BCR: variants seen among roughly 807,000 people sequenced by gnomAD.
The protein encoded by BCR is BCR activator of RhoGEF and GTPase.
A neutral mutation model predicts 138.6 loss-of-function variants in BCR; 58 were observed. That is an observed-to-expected ratio of 0.42 (90% CI 0.34 to 0.52). BCR has a LOEUF of 0.52. BCR is among the 20% of genes least tolerant of loss of function. The probability of loss-of-function intolerance (pLI) is 0.06; values close to 1 mark genes in which losing one functional copy is unlikely to be tolerated. For synonymous variants in BCR, 786 were observed against 730.1 expected, an observed-to-expected ratio of 1.08 and a Z score of -1.23; for missense variants, 1,599 against 1,727.2, an observed-to-expected ratio of 0.93 and a Z score of 1.32.
chr22:23,226,899 G>T (rs2072900548), intron 1 of BCR, among the ~76,000 whole-genome samples: 1 of 152,182 alleles, frequency 6.6e-6, no homozygotes, highest in Admixed American at 6.5e-5. Context: ...GGGGCCAGAA[G>T]TCCTATAGGT....
At position 23,216,030 on chromosome 22, in the gene BCR, T is replaced by C. The variant is rs116888883; in HGVS notation, c.1279+33791T>C. Among the ~76,000 whole-genome samples the C allele has an allele frequency of 1.2e-4, 18 of 152,362 alleles. No individual in the cohort carries two copies. In the East Asian group the frequency reaches 2.7e-3, roughly 23 times the overall value. On this transcript the variant is annotated intron_variant, in intron 1 of 22. Coordinates refer to ENST00000305877, the MANE Select transcript of BCR (RefSeq NM_004327.4). ...CCAAGTCTAACTGAGAAATGTCTTA[T>C]ATGTAACCTTCTGTTTCCCTTGAGT... is the stretch of plus-strand genomic sequence containing the variant.
At position 23,283,909 on chromosome 22, in the gene BCR, G is replaced by A. The variant is rs531151087; in HGVS notation, c.2116-68G>A. The stretch of plus-strand genomic sequence containing the variant: ...GGGTCAACCTGCTCCTGCTGGGCTG[G>A]GAGGGCCGAACACCCCCCACCCATC... On this transcript the variant is annotated intron_variant, in intron 8 of 22. Transcript: ENST00000305877. 2.9e-5 allele frequency: 43 copies of A among 1,478,032 alleles called. No homozygotes were observed. The South Asian group carries it at 5.4e-4, about 19-fold the overall frequency. 91.6% of individuals were successfully genotyped at this position (1,478,032 alleles called of 1,614,324 possible). A position where few individuals can be genotyped will look rare whatever the true frequency, so the allele number is the denominator to read the frequency against.
At chr22:23,184,060 G>A (rs1457567142) in intron 1 of BCR, among the ~76,000 whole-genome samples, 4 of 151,980 alleles carry the variant, frequency 2.6e-5, no homozygotes, top group East Asian at 3.8e-4. Context: ...TTCCCATTAG[G>A]TTTTATTTTT....
intron 1 of BCR, among the ~76,000 whole-genome samples, chr22:23,205,533 C>G (rs1360438647): frequency 6.6e-6 from 1 of 152,114 alleles, no homozygotes; most frequent in Non-Finnish European, 1.5e-5. Flanking sequence ...GAGCCTTGCT[C>G]TATTTCTGCA....
intron 1 of BCR, among the ~76,000 whole-genome samples, chr22:23,249,289 A>G (rs1219143925): frequency 2.6e-5 from 4 of 151,968 alleles, no homozygotes; most frequent in South Asian, 4.2e-4. Context: ...AAAATTAGCC[A>G]GGCGTGGTGG....
intron 6 of BCR, among the ~76,000 whole-genome samples, 198 bp from the exon 7 acceptor site, chr22:23,272,883 C>G (rs1167539193): frequency 6.6e-6 from 1 of 152,172 alleles, no homozygotes; most frequent in Non-Finnish European, 1.5e-5. Context: ...GCTCTGGACT[C>G]TGCATGCAGT....
chr22:23,275,962 G>A (rs2146291602), intron 8 of BCR, among the ~76,000 whole-genome samples: 1 of 152,260 alleles, frequency 6.6e-6, no homozygotes, highest in Middle Eastern at 3.4e-3. Flanking sequence ...GGAATCCACT[G>A]CTTTGGGGAA....
At chr22:23,191,418 T>A (rs1042445645) in intron 1 of BCR, among the ~76,000 whole-genome samples, 2 of 152,042 alleles carry the variant, frequency 1.3e-5, no homozygotes, top group African/African-American at 4.8e-5. Context: ...CATTGATTTA[T>A]GGAAAGGCTG....
At chr22:23,236,501 G>C (rs2073026280) in intron 1 of BCR, among the ~76,000 whole-genome samples, 1 of 152,236 alleles carries the variant, frequency 6.6e-6, no homozygotes, top group South Asian at 2.1e-4. Flanking sequence ...CCATCTTCCA[G>C]CCAAGAGGAG....
intron 22 of BCR, 35 bp from the exon 23 acceptor site, chr22:23,315,397 TG>T: frequency 6.2e-7 from 1 of 1,600,410 alleles, no homozygotes; most frequent in Non-Finnish European, 8.6e-7. Context: ...AGCCCCGCTC[TG>T]AGCCACTCTT....
chr22:23,279,588 C>A (rs959338298), intron 8 of BCR, among the ~76,000 whole-genome samples: 2 of 152,240 alleles, frequency 1.3e-5, no homozygotes, highest in East Asian at 3.8e-4. Context: ...AGGGCCCCCC[C>A]ACCAGCCAGC....
At chr22:23,288,710 G>A (rs984361334) in intron 12 of BCR, among the ~76,000 whole-genome samples, 1 of 152,236 alleles carries the variant, frequency 6.6e-6, no homozygotes, top group South Asian at 2.1e-4. Context: ...TCATATGGCC[G>A]GGGTTGCCCG....
At chr22:23,297,556 T>C (rs1220292576) in intron 16 of BCR, among the ~76,000 whole-genome samples, 1 of 152,128 alleles carries the variant, frequency 6.6e-6, no homozygotes, top group Non-Finnish European at 1.5e-5. Flanking sequence ...TCCCTCTCCA[T>C]GTTTTCTGTC....
intron 16 of BCR, among the ~76,000 whole-genome samples, chr22:23,295,414 C>T (rs1040835445): frequency 6.6e-6 from 1 of 152,186 alleles, no homozygotes; most frequent in African/African-American, 2.4e-5. Context: ...GGTTTTGCAG[C>T]TGGGGCCTCA....
intron 1 of BCR, among the ~76,000 whole-genome samples, chr22:23,245,271 C>T (rs577920210): frequency 6.6e-6 from 1 of 152,266 alleles, no homozygotes; most frequent in Non-Finnish European, 1.5e-5. Context: ...CAGGCTCAGG[C>T]CCTTCCCGAC....
chr22:23,314,850 C>T (rs2074050783), intron 22 of BCR, 136 bp downstream of exon 22: 10 of 1,189,538 alleles, frequency 8.4e-6, no homozygotes, highest in Non-Finnish European at 7.3e-6. Context: ...AGGGACTTGC[C>T]TAGGTCTGCA....
chr22:23,270,255 A>G (rs1424954441), intron 5 of BCR, among the ~76,000 whole-genome samples: 1 of 152,198 alleles, frequency 6.6e-6, no homozygotes, highest in African/African-American at 2.4e-5. Flanking sequence ...AGAGATGGGC[A>G]GCATCCAGTT....
intron 16 of BCR, among the ~76,000 whole-genome samples, chr22:23,303,931 CTTTTTTTT>C (rs131683): frequency 8.5e-5 from 9 of 106,176 alleles, no homozygotes; most frequent in Non-Finnish European, 1.4e-4. Flanking sequence ...TCCTTGTTGC[CTTTTTTTT>C]TTTTTTTTTT....
At chr22:23,292,093 C>A (rs949409880) in intron 14 of BCR, among the ~76,000 whole-genome samples, 1 of 152,210 alleles carries the variant, frequency 6.6e-6, no homozygotes, top group Admixed American at 6.5e-5. Flanking sequence ...GGCCTGGAGT[C>A]CCCTTTGCCT....
Sources: gnomAD v4.1 joint callset for allele counts (sites outside exome capture counted in the v4.1 genomes callset) on GRCh38, gnomAD v4.1.1 for gene constraint, MANE v1.5 for transcripts, NCBI Gene and HGNC (gene_info 2026-07-23, HGNC 2026-07-21) for gene names.